GAS7: variants seen among roughly 807,000 people sequenced by gnomAD.
The protein encoded by GAS7 is growth arrest-specific protein 7.
In GAS7, 28 loss-of-function variants were observed where a neutral mutation model predicts 71.1. The observed-to-expected ratio is 0.39, with a 90% CI of 0.29 to 0.54. The LOEUF is 0.54. GAS7 is among the 20% of genes least tolerant of loss of function. The pLI is 0.62. For missense variants in GAS7, 436 were observed against 627.8 expected, an observed-to-expected ratio of 0.69 and a Z score of 3.27; for synonymous variants, 258 against 245.8, an observed-to-expected ratio of 1.05 and a Z score of -0.46.
intron 1 of GAS7, among the ~76,000 whole-genome samples, chr17:10,155,687 A>T (rs2074200267): frequency 2.0e-5 from 3 of 152,166 alleles, no homozygotes; most frequent in Non-Finnish European, 4.4e-5. Flanking sequence ...TGGTCCACTC[A>T]GTCCTCTCCT....
At chr17:10,028,679 G>T (rs937951716) in intron 1 of GAS7, among the ~76,000 whole-genome samples, 5 of 150,274 alleles carry the variant, frequency 3.3e-5, no homozygotes, top group African/African-American at 1.2e-4. Flanking sequence ...AGGCAAGTTG[G>T]TTTGAAAAAA....
chr17:9,935,972 C>G (rs1049357671), intron 8 of GAS7, among the ~76,000 whole-genome samples: 1 of 152,166 alleles, frequency 6.6e-6, no homozygotes, highest in African/African-American at 2.4e-5. Flanking sequence ...CACAGATCAG[C>G]GGAACAGAAC....
rs577585019 is a variant in GAS7, at chr17:10,048,288, C to T, written c.184-28391G>A. Among the ~76,000 whole-genome samples the T allele has an allele frequency of 1.1e-4, 16 of 152,314 alleles. No individual in the cohort carries two copies. The South Asian group carries it at 1.7e-3, about 16-fold the overall frequency. On this transcript the variant is annotated intron_variant, in intron 1 of 13. Transcript: ENST00000432992. ...TTGCAACCTCGCGCCATTGCAGTTG[C>T]GCCTGGGCGACAAAGCTAAACTCCA... is the stretch of plus-strand genomic sequence containing the variant.
intron 1 of GAS7, among the ~76,000 whole-genome samples, chr17:10,158,713 G>T (rs1317330150): frequency 2.6e-5 from 4 of 151,800 alleles, no homozygotes; most frequent in African/African-American, 9.7e-5. Context: ...TGTAATTCTT[G>T]CAACTCTTCA....
intron 1 of GAS7, among the ~76,000 whole-genome samples, chr17:10,106,178 C>G (rs542653105): frequency 6.6e-6 from 1 of 152,210 alleles, no homozygotes; most frequent in South Asian, 2.1e-4. Context: ...AAGTGCCATG[C>G]GTATTCCTAC....
intron 2 of GAS7, among the ~76,000 whole-genome samples, chr17:9,982,618 A>T (rs370977801): frequency 4.6e-5 from 7 of 152,002 alleles, no homozygotes; most frequent in African/African-American, 1.7e-4. Flanking sequence ...CTCTACTAAA[A>T]ACACAAAAAT....
intron 1 of GAS7, among the ~76,000 whole-genome samples, chr17:10,133,628 T>G (rs998040878): frequency 2.0e-5 from 3 of 152,108 alleles, no homozygotes; most frequent in African/African-American, 7.2e-5. Context: ...ATAGTCACCA[T>G]TTCCTGAACT....
chr17:10,076,436 G>C (rs1325761528), intron 1 of GAS7, among the ~76,000 whole-genome samples: 2 of 143,474 alleles, frequency 1.4e-5, no homozygotes, highest in East Asian at 2.1e-4. Flanking sequence ...AAGGGAAGGA[G>C]GGGGAGTCGG....
rs2067487907 is a variant in GAS7 at position 9,913,255 on chromosome 17, C to G, written c.*3973G>C. The stretch of plus-strand genomic sequence containing the variant: ...AGGATTATGGGGATAAGACGATGTC[C>G]AGGCTACGTGGGGGGGCAGCTGATC... On this transcript the variant is annotated 3_prime_UTR_variant, in exon 14 of 14. Coordinates refer to ENST00000432992, the MANE Select transcript of GAS7 (RefSeq NM_201433.2). The G allele has an allele frequency of 1.3e-5, 3 of 232,470 alleles. No homozygotes were observed. The highest frequency in any genetic ancestry group is 2.6e-5 in the Non-Finnish European group (3 of 117,576). The allele number at this position is 232,470 out of a possible 1,614,324, so 14.4% of individuals were successfully genotyped here.
chr17:9,967,768 G>A (rs1257537323), intron 4 of GAS7, among the ~76,000 whole-genome samples: 3 of 152,158 alleles, frequency 2.0e-5, no homozygotes. Context: ...GTTAGGCTGG[G>A]TCTAGTGTTA....
chr17:9,995,540 CAAAAA>C (rs34223707), intron 2 of GAS7, among the ~76,000 whole-genome samples: 9 of 143,242 alleles, frequency 6.3e-5, no homozygotes, highest in East Asian at 4.3e-4. Flanking sequence ...TGATCAATAA[CAAAAA>C]AAAAAAAAAA....
At chr17:9,921,420 CA>C (rs2067805083) in intron 11 of GAS7, among the ~76,000 whole-genome samples, 2 of 152,172 alleles carry the variant, frequency 1.3e-5, no homozygotes, top group South Asian at 4.1e-4. Flanking sequence ...CTCCGAAATG[CA>C]AATGCATTTC....
intron 1 of GAS7, among the ~76,000 whole-genome samples, chr17:10,064,574 T>G (rs909380058): frequency 1.3e-5 from 2 of 152,154 alleles, no homozygotes; most frequent in African/African-American, 4.8e-5. Context: ...ATACCTGGAA[T>G]TTGGTTTTGG....
In GAS7 at chr17:9,915,777, T is replaced by C. The variant is rs1265513766; in HGVS notation, c.*1451A>G. ...TGAAGAAAGATGGATTTCCAGGGCA[T>C]GGGCTCCCGACTAGAATCTGCCCCT... On this transcript the variant is annotated 3_prime_UTR_variant, in exon 14 of 14. Transcript: ENST00000432992. 8.7e-6 allele frequency: 2 copies of C among 231,078 alleles called. No homozygotes were observed. Among genetic ancestry groups the C allele is most frequent in the African/African-American group, 2.2e-5 (1 of 45,170 alleles). The allele number at this position is 231,078 out of a possible 1,614,324, so 14.3% of individuals were successfully genotyped here. A position where few individuals can be genotyped will look rare whatever the true frequency, so the allele number is the denominator to read the frequency against.
chr17:10,048,803 C>T (rs2073019639), intron 1 of GAS7, among the ~76,000 whole-genome samples: 1 of 152,178 alleles, frequency 6.6e-6, no homozygotes, highest in African/African-American at 2.4e-5. Context: ...GACAACACAG[C>T]CATGGGGAAG....
chr17:10,181,941 C>T (rs956354351), intron 1 of GAS7, among the ~76,000 whole-genome samples: 8 of 152,172 alleles, frequency 5.3e-5, no homozygotes, highest in African/African-American at 1.9e-4. Flanking sequence ...ACACTCCCAC[C>T]AGCGCCAGGA....
At chr17:10,056,660 A>G (rs921257170) in intron 1 of GAS7, among the ~76,000 whole-genome samples, 3 of 152,156 alleles carry the variant, frequency 2.0e-5, no homozygotes, top group Non-Finnish European at 4.4e-5. Context: ...TCACGAGGTC[A>G]GGAGATCGAG....
intron 10 of GAS7, 68 bp from the exon 11 acceptor site, chr17:9,925,667 G>A: frequency 6.3e-7 from 1 of 1,574,960 alleles, no homozygotes; most frequent in Non-Finnish European, 8.7e-7. Context: ...GGGCCACGCA[G>A]CCCAGCTTCC....
chr17:10,057,556 G>C (rs1373100324), intron 1 of GAS7, among the ~76,000 whole-genome samples: 1 of 151,658 alleles, frequency 6.6e-6, no homozygotes, highest in Non-Finnish European at 1.5e-5. Context: ...ATCTCCACCC[G>C]GCAGCCGCCC....
Sources: gnomAD v4.1 joint callset for allele counts (sites outside exome capture counted in the v4.1 genomes callset) on GRCh38, gnomAD v4.1.1 for gene constraint, MANE v1.5 for transcripts, NCBI Gene and HGNC (gene_info 2026-07-23, HGNC 2026-07-21) for gene names.